Variants in RASA1 observed in about 807,000 individuals in gnomAD.
The protein encoded by RASA1 is RAS p21 protein activator 1.
A neutral mutation model predicts 132.2 loss-of-function variants in RASA1; 25 were observed. The observed-to-expected ratio is 0.19, with a 90% CI of 0.14 to 0.26. The LOEUF is 0.26. Among genes scored for constraint, RASA1 ranks in the 10% least tolerant of loss-of-function variants. RASA1 has a pLI of 1.00. For missense variants in RASA1, 964 were observed against 1,299.2 expected (o/e 0.74, Z 3.97); for synonymous variants, 477 against 449.9 (o/e 1.06, Z -0.76).
intron 4 of RASA1, among the ~76,000 whole-genome samples, chr5:87,336,895 C>G (rs1758015311): frequency 6.6e-6 from 1 of 151,874 alleles, no homozygotes; most frequent in African/African-American, 2.4e-5. Context: ...TATGATTATT[C>G]AAATATTGAG....
intron 1 of RASA1, 132 bp from the exon 2 acceptor site, chr5:87,331,216 G>A (rs1263538724): frequency 3.8e-6 from 4 of 1,059,662 alleles, no homozygotes; most frequent in South Asian, 1.3e-5. Context: ...TGGAATAACT[G>A]GTTCAGAGTA....
intron 1 of RASA1, among the ~76,000 whole-genome samples, chr5:87,330,723 A>G (rs1757541554): frequency 2.0e-5 from 3 of 152,158 alleles, no homozygotes; most frequent in Non-Finnish European, 2.9e-5. Flanking sequence ...CAAAGGTGCT[A>G]TTTATTCTCC....
At chr5:87,382,293 CTT>C (rs1230621113) in intron 20 of RASA1, among the ~76,000 whole-genome samples, 2 of 152,132 alleles carry the variant, frequency 1.3e-5, no homozygotes, top group African/African-American at 4.8e-5. Flanking sequence ...GAAGTAACAT[CTT>C]TACTTTCTAA....
chr5:87,353,222 C>A lies in RASA1; in HGVS notation c.1319C>A (p.Pro440His). 3 of 1,606,468 alleles carry A rather than the reference C, an allele frequency of 1.9e-6. No homozygotes were observed. The highest frequency in any genetic ancestry group is 2.6e-6 in the Non-Finnish European group (3 of 1,173,668). Residue 440 changes from proline to histidine, a missense_variant, in exon 9 of 25, where the codon CCT becomes CAT. Around this residue, in one of 6 missense-constraint regions of RASA1, gnomAD observed 25 missense variants for 18.8 expected, o/e 1.33. Transcript: ENST00000274376. ...QIVEGYYLKEPVPMQDQEQVL... is the reference protein window; with the variant it reads ...QIVEGYYLKEHVPMQDQEQVL... ...GTTGAAGGATATTATCTTAAGGAAC[C>A]TGTACCAATGCAGGTCAGTGTTGCA...
At chr5:87,323,263 GCATAGA>G (rs1756959611) in intron 1 of RASA1, among the ~76,000 whole-genome samples, 2 of 152,128 alleles carry the variant, frequency 1.3e-5, no homozygotes, top group Admixed American at 6.6e-5. Flanking sequence ...CTTTGAGAAA[GCATAGA>G]GGGAGAAAAC....
intron 3 of RASA1, among the ~76,000 whole-genome samples, chr5:87,332,886 CAA>C (rs1288278378): frequency 6.6e-6 from 1 of 151,998 alleles, no homozygotes; most frequent in Non-Finnish European, 1.5e-5. Flanking sequence ...GATAGCCTAA[CAA>C]ATATTTCTGA....
intron 13 of RASA1, among the ~76,000 whole-genome samples, chr5:87,373,260 A>G (rs1014185948): frequency 6.7e-6 from 1 of 149,796 alleles, no homozygotes; most frequent in African/African-American, 2.5e-5. Flanking sequence ...AAAAAATACA[A>G]TAAAAAGATA....
intron 12 of RASA1, 32 bp from the exon 13 acceptor site, chr5:87,372,082 GTGTA>G: frequency 1.3e-6 from 2 of 1,570,992 alleles, no homozygotes; most frequent in South Asian, 2.3e-5. Flanking sequence ...AAATAAACTA[GTGTA>G]TATTTCTTTG....
At chr5:87,289,662 G>C (rs1421460095) in intron 1 of RASA1, among the ~76,000 whole-genome samples, 1 of 152,030 alleles carries the variant, frequency 6.6e-6, no homozygotes, top group Non-Finnish European at 1.5e-5. Flanking sequence ...TCAGGTTGGA[G>C]TGCAGTGGTG....
chr5:87,274,273 A>C (rs550535704), intron 1 of RASA1, among the ~76,000 whole-genome samples: 1 of 152,226 alleles, frequency 6.6e-6, no homozygotes, highest in Non-Finnish European at 1.5e-5. Context: ...AAAAGAAAAT[A>C]AGGAATGTAA....
At chr5:87,300,283 A>G (rs1755303194) in intron 1 of RASA1, among the ~76,000 whole-genome samples, 1 of 152,094 alleles carries the variant, frequency 6.6e-6, no homozygotes, top group East Asian at 1.9e-4. Context: ...AGGCTGGGGT[A>G]GGAAGTTCAC....
intron 8 of RASA1, among the ~76,000 whole-genome samples, chr5:87,351,348 G>A (rs1230150583): frequency 6.6e-6 from 1 of 151,718 alleles, no homozygotes; most frequent in Admixed American, 6.6e-5. Flanking sequence ...AGAAAGTATG[G>A]TATGCAGAAT....
At chr5:87,276,121 C>T (rs926618750) in intron 1 of RASA1, among the ~76,000 whole-genome samples, 10 of 151,922 alleles carry the variant, frequency 6.6e-5, no homozygotes, top group African/African-American at 1.9e-4. Flanking sequence ...TCATGTAATA[C>T]GAGATAATAG....
Position 87,294,273 on chromosome 5 carries a change from C to T in RASA1, c.539+25283C>T, listed in dbSNP as rs149156555. On this transcript the variant is annotated intron_variant, in intron 1 of 24. Transcript: ENST00000274376. ...TCCCACTACTGATCTGTGTTTTGAC[C>T]TGCTCTGTTTCCAACCTGGGTGGTT... 6.2e-3 allele frequency: 941 copies of T among 152,292 alleles called. 3 individuals are homozygous for T. Among genetic ancestry groups the T allele is most frequent in the Admixed American group, 9.7e-3 (149 of 15,294 alleles). 9.4% of individuals were successfully genotyped at this position (152,292 alleles called of 1,614,324 possible). A position where few individuals can be genotyped will look rare whatever the true frequency, so the allele number is the denominator to read the frequency against.
intron 1 of RASA1, among the ~76,000 whole-genome samples, chr5:87,307,317 A>C (rs1008085085): frequency 1.3e-5 from 2 of 152,032 alleles, no homozygotes; most frequent in African/African-American, 4.8e-5. Context: ...TGTATTTTCT[A>C]TGAAACTTTG....
chr5:87,336,953 A>T (rs1180470807), intron 4 of RASA1, among the ~76,000 whole-genome samples: 2 of 152,214 alleles, frequency 1.3e-5, no homozygotes, highest in East Asian at 3.9e-4. Flanking sequence ...ATTGTCCAAG[A>T]TACAATGAAG....
At chr5:87,323,934 G>GTATTTTT (rs1757018748) in intron 1 of RASA1, among the ~76,000 whole-genome samples, 1 of 152,024 alleles carries the variant, frequency 6.6e-6, no homozygotes, top group Admixed American at 6.6e-5. Context: ...GATTACAGTT[G>GTATTTTT]CTTAATTTGT....
intron 7 of RASA1, among the ~76,000 whole-genome samples, chr5:87,347,055 A>G (rs989524895): frequency 6.6e-6 from 1 of 152,018 alleles, no homozygotes; most frequent in African/African-American, 2.4e-5. Context: ...AGACAGGAAC[A>G]TGCAACACAC....
chr5:87,354,839 G>A (rs1759532735), intron 9 of RASA1, among the ~76,000 whole-genome samples: 1 of 152,144 alleles, frequency 6.6e-6, no homozygotes, highest in Admixed American at 6.6e-5. Context: ...GATTAATAAA[G>A]TGAAACACCC....
Sources: allele counts gnomAD v4.1 joint callset (sites outside exome capture counted in the v4.1 genomes callset), GRCh38; gene constraint gnomAD v4.1.1; regional missense constraint gnomAD v4.1.1; transcripts MANE v1.5; gene names NCBI Gene and HGNC (gene_info 2026-07-23, HGNC 2026-07-21).